PXMP4: variants seen among roughly 807,000 people sequenced by gnomAD.
PXMP4 encodes 24 kDa peroxisomal intrinsic membrane protein.
In PXMP4, 16 loss-of-function variants were observed where a neutral mutation model predicts 21.6. That is an observed-to-expected ratio of 0.74 (90% confidence interval 0.50 to 1.13). PXMP4 has a LOEUF of 1.13. PXMP4 is among the 50% of genes most tolerant of loss of function. The pLI, the probability that PXMP4 is intolerant of heterozygous loss-of-function variation, is 0.00. For missense variants in PXMP4, 240 were observed against 277.7 expected (o/e 0.86, Z 0.96); for synonymous variants, 127 against 123.8 (o/e 1.03, Z -0.17).
rs943254053 is a variant in PXMP4 at position 33,707,246 on chromosome 20, A to G, written c.*460T>C. On this transcript the variant is annotated 3_prime_UTR_variant, in exon 4 of 4. Transcript: ENST00000409299. ...TATATGGCTCACGTGTTTCTATTGGACAGTGGGAATCTAGAACTTCTCCAG... is the reference window on the plus strand; with the variant it reads ...TATATGGCTCACGTGTTTCTATTGGGCAGTGGGAATCTAGAACTTCTCCAG... 1 of 157,290 alleles carries G rather than the reference A, an allele frequency of 6.4e-6. No individual in the cohort carries two copies. The highest frequency in any genetic ancestry group is 1.4e-5 in the Non-Finnish European group (1 of 71,102). 9.7% of individuals were successfully genotyped at this position (157,290 alleles called of 1,614,324 possible).
chr20:33,704,734 A>T lies in PXMP4; in HGVS notation c.*2972T>A, dbSNP rs1350236322. 1 of 152,204 alleles carries T rather than the reference A, an allele frequency of 6.6e-6. No individual in the cohort carries two copies. The highest frequency in any genetic ancestry group is 1.5e-5 in the Non-Finnish European group (1 of 68,066). The allele number at this position is 152,204 out of a possible 1,614,324, so 9.4% of individuals were successfully genotyped here. On this transcript the variant is annotated 3_prime_UTR_variant, in exon 4 of 4. Transcript: ENST00000409299. ...TCCCCACCCCCTTGTTACTCAGAGC[A>T]GCACCACTGGCAGCACCAGGGAGCC...
chr20:33,720,027 C>G, intron 1 of PXMP4, 68 bp downstream of exon 1: 2 of 1,484,606 alleles, frequency 1.3e-6, no homozygotes, highest in Admixed American at 1.7e-5. Context: ...CATCGGACTT[C>G]GAACTCGCGC....
intron 2 of PXMP4, 67 bp from the exon 3 acceptor site, chr20:33,710,820 G>A (rs760430806): frequency 9.7e-6 from 14 of 1,438,626 alleles, no homozygotes; most frequent in Admixed American, 2.6e-5. Context: ...TTTACGCACT[G>A]GGCATGCCTA....
chr20:33,708,491 T>C (rs1174305931), intron 3 of PXMP4, among the ~76,000 whole-genome samples: 1 of 151,774 alleles, frequency 6.6e-6, no homozygotes, highest in Admixed American at 6.6e-5. Flanking sequence ...TGGCCTGATT[T>C]CTGCACTTAT....
At chr20:33,712,415 C>G (rs2122586340) in intron 2 of PXMP4, among the ~76,000 whole-genome samples, 1 of 152,176 alleles carries the variant, frequency 6.6e-6, no homozygotes, top group South Asian at 2.1e-4. Flanking sequence ...TGCTCCCCTC[C>G]CCCCACACCA....
rs140583440 is a variant in PXMP4, at chr20:33,714,820, TC to T, written c.114-85del. 985 of 1,320,952 alleles carry T rather than the reference TC, an allele frequency of 7.5e-4. 7 individuals carry two copies. In the African/African-American group the frequency reaches 0.012, roughly 16 times the overall value. 81.8% of individuals were successfully genotyped at this position (1,320,952 alleles called of 1,614,324 possible). A position where few individuals can be genotyped will look rare whatever the true frequency, so the allele number is the denominator to read the frequency against. ...GCTGTCCTTTTGACCCCTTGTTCTC[TC>T]CCCCCATCCCAAATTCTAACACCAC... is the stretch of plus-strand genomic sequence containing the variant. On this transcript the variant is annotated intron_variant, in intron 1 of 3. Coordinates refer to ENST00000409299, the MANE Select transcript of PXMP4 (RefSeq NM_007238.5).
At position 33,707,656 on chromosome 20, in the gene PXMP4, G is replaced by T; in HGVS notation, c.*50C>A. On this transcript the variant is annotated 3_prime_UTR_variant, in exon 4 of 4. Coordinates refer to ENST00000409299, the MANE Select transcript of PXMP4 (RefSeq NM_007238.5). ...TGAGAAGGCAGTATCCTTTGGGAGGGTCTGCATGGGGCCAAATCTTGAGCC... is the reference window on the plus strand; with the variant it reads ...TGAGAAGGCAGTATCCTTTGGGAGGTTCTGCATGGGGCCAAATCTTGAGCC... The T allele has an allele frequency of 6.3e-7, 1 of 1,592,468 alleles. No homozygotes were observed. Among genetic ancestry groups the T allele is most frequent in the Non-Finnish European group, 8.6e-7 (1 of 1,165,892 alleles).
chr20:33,719,974 T>G (rs2018430031), intron 1 of PXMP4, 121 bp downstream of exon 1: 1 of 940,030 alleles, frequency 1.1e-6, no homozygotes, highest in African/African-American at 1.7e-5. Flanking sequence ...CCTCCGAGAC[T>G]TAGAGACACA....
At chr20:33,713,846 C>T (rs916634314) in intron 2 of PXMP4, among the ~76,000 whole-genome samples, 2 of 152,222 alleles carry the variant, frequency 1.3e-5, no homozygotes, top group African/African-American at 2.4e-5. Flanking sequence ...AAACACTAGA[C>T]CGCAACCCGT....
chr20:33,709,199 T>C (rs146178022), intron 3 of PXMP4, among the ~76,000 whole-genome samples: 2,340 of 152,190 alleles, frequency 0.015, 58 homozygotes, highest in African/African-American at 0.054. Flanking sequence ...GAGGCTGAGA[T>C]AGGAGAAATG....
Position 33,705,257 on chromosome 20 carries a change from T to C in PXMP4, c.*2449A>G, listed in dbSNP as rs1390271387. On this transcript the variant is annotated 3_prime_UTR_variant, in exon 4 of 4. Coordinates refer to ENST00000409299, the MANE Select transcript of PXMP4 (RefSeq NM_007238.5). ...CACCCGCCTCGGCCTCCCAAAGTGC[T>C]GGGATTACAGGTGCAAGCCACCGTG... 1.3e-5 allele frequency: 2 copies of C among 151,144 alleles called. No individual in the cohort carries two copies. Among genetic ancestry groups the C allele is most frequent in the Non-Finnish European group, 3.0e-5 (2 of 67,728 alleles). 9.4% of individuals were successfully genotyped at this position (151,144 alleles called of 1,614,324 possible).
chr20:33,719,446 C>CTGTA (rs2018423223), intron 1 of PXMP4, among the ~76,000 whole-genome samples: 2 of 152,214 alleles, frequency 1.3e-5, no homozygotes, highest in South Asian at 4.1e-4. Context: ...GGTTCTGGCA[C>CTGTA]TGTAGGCCCT....
intron 1 of PXMP4, among the ~76,000 whole-genome samples, chr20:33,719,750 T>C (rs929438022): frequency 1.3e-5 from 2 of 152,108 alleles, no homozygotes; most frequent in African/African-American, 2.4e-5. Context: ...CAGTTCCCCA[T>C]TGTGCAGATG....
chr20:33,713,326 C>A (rs774454175), intron 2 of PXMP4, among the ~76,000 whole-genome samples: 1 of 151,944 alleles, frequency 6.6e-6, no homozygotes, highest in African/African-American at 2.4e-5. Flanking sequence ...ATGCCCGTGG[C>A]CTGGAACACT....
At chr20:33,716,274 T>C (rs1196894842) in intron 1 of PXMP4, among the ~76,000 whole-genome samples, 1 of 152,208 alleles carries the variant, frequency 6.6e-6, no homozygotes, top group Non-Finnish European at 1.5e-5. Context: ...GCTATAGCCT[T>C]GGCCCCTGCT....
At chr20:33,712,854 C>T (rs1178143162) in intron 2 of PXMP4, among the ~76,000 whole-genome samples, 3 of 152,238 alleles carry the variant, frequency 2.0e-5, no homozygotes, top group East Asian at 3.8e-4. Context: ...TGGTCTTGAT[C>T]TCCTGACCTC....
rs2018364332 is a variant in PXMP4, at chr20:33,714,576, C to G, written c.176+98G>C. On this transcript the variant is annotated intron_variant, in intron 2 of 3. Transcript: ENST00000409299. The stretch of plus-strand genomic sequence containing the variant: ...AAAAAAAGAGTTGAACTTTAGAAGG[C>G]GTGATGGGGGGACAGGGTAGACCCA... 7 of 1,175,206 alleles carry G rather than the reference C, an allele frequency of 6.0e-6. No individual in the cohort carries two copies. In the South Asian group the frequency reaches 8.8e-5, roughly 15 times the overall value. 72.8% of individuals were successfully genotyped at this position (1,175,206 alleles called of 1,614,324 possible).
intron 1 of PXMP4, among the ~76,000 whole-genome samples, chr20:33,716,184 C>T (rs2018382141): frequency 6.6e-6 from 1 of 152,258 alleles, no homozygotes; most frequent in Non-Finnish European, 1.5e-5. Context: ...CTCATCACAT[C>T]ACTCCCAGCT....
intron 3 of PXMP4, among the ~76,000 whole-genome samples, chr20:33,708,310 C>T (rs750057802): frequency 4.0e-5 from 6 of 151,758 alleles, no homozygotes; most frequent in Admixed American, 1.3e-4. Flanking sequence ...CCTCAGCCTC[C>T]GGAGTAGCTG....
Sources: allele counts gnomAD v4.1 joint callset (sites outside exome capture counted in the v4.1 genomes callset), GRCh38; gene constraint gnomAD v4.1.1; transcripts MANE v1.5; gene names NCBI Gene and HGNC (gene_info 2026-07-23, HGNC 2026-07-21).